RGS6: variants seen among roughly 807,000 people sequenced by gnomAD.
RGS6 encodes regulator of G-protein signaling 6.
RGS6 carries 30 observed loss-of-function variants against 78.5 expected under a neutral mutation model. The observed-to-expected ratio is 0.38, with a 90% CI of 0.29 to 0.52. RGS6 has a LOEUF of 0.52. Among genes scored for constraint, RGS6 ranks in the 20% least tolerant of loss-of-function variants. The pLI, the probability that RGS6 is intolerant of heterozygous loss-of-function variation, is 0.85. For synonymous variants in RGS6, 206 were observed against 206.0 expected, an observed-to-expected ratio of 1.00 and a Z score of 0.00; for missense variants, 495 against 609.7, an observed-to-expected ratio of 0.81 and a Z score of 1.98.
chr14:71,971,274 G>A (rs1480028682), intron 2 of RGS6, among the ~76,000 whole-genome samples: 1 of 152,184 alleles, frequency 6.6e-6, no homozygotes, highest in African/African-American at 2.4e-5. Context: ...TTTCAGTTGG[G>A]TTTGGTTAGT....
chr14:72,329,812 A>C (rs920426307), intron 2 of RGS6, among the ~76,000 whole-genome samples: 2 of 152,104 alleles, frequency 1.3e-5, no homozygotes, highest in Non-Finnish European at 2.9e-5. Flanking sequence ...CCACCTGAGG[A>C]GGAAGGGACA....
chr14:72,309,323 G>A (rs2068003842), intron 2 of RGS6, among the ~76,000 whole-genome samples: 1 of 152,176 alleles, frequency 6.6e-6, no homozygotes. Context: ...ATCCAGACCA[G>A]GAAACATGAT....
intron 2 of RGS6, among the ~76,000 whole-genome samples, chr14:72,045,070 C>T (rs955688614): frequency 2.0e-5 from 3 of 152,148 alleles, no homozygotes; most frequent in Non-Finnish European, 2.9e-5. Context: ...CCTGGTTCTC[C>T]AGCTTGCAGA....
chr14:72,378,801 A>G (rs1168580205), intron 3 of RGS6, among the ~76,000 whole-genome samples: 1 of 152,182 alleles, frequency 6.6e-6, no homozygotes, highest in East Asian at 1.9e-4. Flanking sequence ...AACTATTCCA[A>G]AAATTTGAAG....
At chr14:72,231,200 G>A (rs2529647) in intron 2 of RGS6, among the ~76,000 whole-genome samples, 48,977 of 151,820 alleles carry the variant, frequency 0.32, 8,876 homozygotes, top group South Asian at 0.46. Flanking sequence ...AGTGACAAGA[G>A]CATCAACCCC....
chr14:72,153,651 G>A (rs1358242037), intron 2 of RGS6, among the ~76,000 whole-genome samples: 1 of 152,162 alleles, frequency 6.6e-6, no homozygotes, highest in African/African-American at 2.4e-5. Context: ...ATATCGGTAG[G>A]ACCTTGATGC....
intron 2 of RGS6, among the ~76,000 whole-genome samples, chr14:72,019,677 C>T (rs969720161): frequency 6.6e-6 from 1 of 152,142 alleles, no homozygotes; most frequent in Non-Finnish European, 1.5e-5. Context: ...TTTATATTCT[C>T]TCTAGATTTA....
chr14:72,395,059 T>A, intron 3 of RGS6, among the ~76,000 whole-genome samples: 1 of 152,290 alleles, frequency 6.6e-6, no homozygotes, highest in East Asian at 1.9e-4. Flanking sequence ...CAAAATCAAA[T>A]TATTAGACAT....
chr14:72,100,507 AAAG>A (rs1338158117), intron 2 of RGS6, among the ~76,000 whole-genome samples: 12 of 152,122 alleles, frequency 7.9e-5, no homozygotes, highest in Non-Finnish European at 7.3e-5. Context: ...AAAACCAAAA[AAAG>A]GTAGAAAGAA....
intron 2 of RGS6, among the ~76,000 whole-genome samples, chr14:72,272,427 G>A (rs1318517020): frequency 6.6e-6 from 1 of 152,092 alleles, no homozygotes; most frequent in Non-Finnish European, 1.5e-5. Context: ...AACTGCTCTG[G>A]GCCTCTGTAA....
chr14:72,027,121 C>A (rs2090015578), intron 2 of RGS6, among the ~76,000 whole-genome samples: 1 of 151,904 alleles, frequency 6.6e-6, no homozygotes, highest in African/African-American at 2.4e-5. Context: ...TCCTTCAGGG[C>A]CTTGTGGGTC....
In RGS6 at chr14:72,061,572, C is replaced by CT. The variant is rs904949047; in HGVS notation, c.84+96708dup. Among the ~76,000 whole-genome samples the CT allele has an allele frequency of 2.8e-3, 408 of 147,898 alleles. 1 individual carries two copies. The highest frequency in any genetic ancestry group is 9.3e-3 in the African/African-American group (376 of 40,556). Reference sequence around the variant, plus strand: ...ACCCTGGTTTCAACTGGAAAAGTAACTTTTTTTTTTTCCTTGACACTTTCA... The same window carrying CT: ...ACCCTGGTTTCAACTGGAAAAGTAACTTTTTTTTTTTTCCTTGACACTTTCA... On this transcript the variant is annotated intron_variant, in intron 2 of 17. Coordinates refer to ENST00000553525, the MANE Select transcript of RGS6 (RefSeq NM_001204424.2).
At chr14:71,992,948 G>A (rs1190937614) in intron 2 of RGS6, among the ~76,000 whole-genome samples, 1 of 152,154 alleles carries the variant, frequency 6.6e-6, no homozygotes, top group Non-Finnish European at 1.5e-5. Context: ...TTCAATAAGA[G>A]CATTTGTCTT....
At chr14:71,955,672 A>C (rs2877772) in intron 1 of RGS6, among the ~76,000 whole-genome samples, 138,916 of 152,146 alleles carry the variant, frequency 0.91, 63,478 homozygotes, top group South Asian at 0.97. Context: ...AGGTCACTCT[A>C]ATCACCATCT....
At chr14:72,379,691 A>G (rs757921599) in intron 3 of RGS6, among the ~76,000 whole-genome samples, 7 of 152,122 alleles carry the variant, frequency 4.6e-5, no homozygotes, top group Non-Finnish European at 8.8e-5. Context: ...ACAAATGGAA[A>G]GACATCTCAT....
the RGS6 span, among the ~76,000 whole-genome samples, chr14:71,887,599 C>A: frequency 3.3e-5 from 5 of 152,158 alleles, no homozygotes; most frequent in Non-Finnish European, 7.3e-5. Context: ...GAGATACGCC[C>A]TGGTCTCCTG....
chr14:72,324,481 T>A (rs1225952330), intron 2 of RGS6, among the ~76,000 whole-genome samples: 1 of 152,192 alleles, frequency 6.6e-6, no homozygotes, highest in Non-Finnish European at 1.5e-5. Flanking sequence ...ACATTAGGTA[T>A]ATCTCCTAAT....
At chr14:72,054,453 G>T (rs2093508542) in intron 2 of RGS6, among the ~76,000 whole-genome samples, 2 of 152,122 alleles carry the variant, frequency 1.3e-5, no homozygotes, top group Non-Finnish European at 2.9e-5. Flanking sequence ...GATGATTCTA[G>T]CATACTAAGT....
intron 1 of RGS6, among the ~76,000 whole-genome samples, chr14:71,942,881 C>G (rs2152963487): frequency 1.3e-5 from 2 of 152,284 alleles, no homozygotes; most frequent in Middle Eastern, 6.8e-3. Context: ...TCATTAATAG[C>G]TCAGGCTATG....
Sources: gnomAD v4.1 joint callset for allele counts (sites outside exome capture counted in the v4.1 genomes callset) on GRCh38, gnomAD v4.1.1 for gene constraint, MANE v1.5 for transcripts, NCBI Gene and HGNC (gene_info 2026-07-23, HGNC 2026-07-21) for gene names.